The following ARFGEF2 variants were observed in gnomAD, a reference collection of about 807,000 sequenced individuals.
The protein encoded by ARFGEF2 is brefeldin A-inhibited guanine nucleotide-exchange protein 2.
Under a neutral mutation model 219.9 loss-of-function variants are expected in ARFGEF2, and 74 were observed. That is an observed-to-expected ratio of 0.34 (90% confidence interval 0.28 to 0.41). The LOEUF (loss-of-function observed/expected upper bound fraction) is 0.41, where lower values mean the gene tolerates loss of function less well. ARFGEF2 is among the 10% of genes least tolerant of loss of function. The pLI is 1.00. For missense variants in ARFGEF2, 1,743 were observed against 2,218.3 expected, an observed-to-expected ratio of 0.79 and a Z score of 4.30; for synonymous variants, 733 against 799.2, an observed-to-expected ratio of 0.92 and a Z score of 1.40.
intron 31 of ARFGEF2, 89 bp downstream of exon 31, chr20:49,016,504 G>A: frequency 5.8e-6 from 8 of 1,389,480 alleles, no homozygotes; most frequent in South Asian, 1.2e-5. Flanking sequence ...TGGATGTAGT[G>A]CCATGGAGTA....
chr20:48,961,971 G>A (rs1017450619), intron 6 of ARFGEF2, among the ~76,000 whole-genome samples: 52 of 152,102 alleles, frequency 3.4e-4, no homozygotes, highest in Admixed American at 2.2e-3. Flanking sequence ...CTGAGGCTGG[G>A]AGTTCAAGAC....
Position 49,025,425 on chromosome 20 carries a change from C to G in ARFGEF2, c.4868C>G (p.Ser1623Ter). Residue 1623 changes from serine (S) to a stop codon, truncating the protein, a stop_gained, in exon 36 of 39, where the codon TCA becomes TGA. Transcript: ENST00000371917. LOFTEE classifies it high-confidence loss of function. Reference protein sequence around the residue: ...KLLDCLQESHSFSKAFNSNYE... With the variant: ...KLLDCLQESH Reference sequence around the variant, plus strand: ...TTGGACTGTTTGCAGGAATCCCATTCATTCTCAAAGGCCTTCAACTCCAAT... The same window carrying G: ...TTGGACTGTTTGCAGGAATCCCATTGATTCTCAAAGGCCTTCAACTCCAAT... 2 of 1,614,162 alleles carry G rather than the reference C, an allele frequency of 1.2e-6. No individual in the cohort carries two copies. Among genetic ancestry groups the G allele is most frequent in the Non-Finnish European group, 1.7e-6 (2 of 1,180,030 alleles).
rs1280402148 is a variant in ARFGEF2 at position 49,032,145 on chromosome 20, C to A, written c.5160C>A (p.Thr1720=). 6.2e-7 allele frequency: 1 copy of A among 1,613,248 alleles called. No homozygotes were observed. Residue 1720 remains threonine, a synonymous_variant, in exon 38 of 39, where the codon ACC becomes ACA. Coordinates refer to ENST00000371917, the MANE Select transcript of ARFGEF2 (RefSeq NM_006420.3). ...TCTTGTTGTTACTTCTAACTAAAAC[C>A]CTCAAAATAAATGATGAAAAGGTAT... ...TSLLLLLLTK[T]LKINDEKFKA... is the part of the protein sequence containing the mutation.
At chr20:48,977,110 A>G (rs1464822276) in intron 14 of ARFGEF2, among the ~76,000 whole-genome samples, 1 of 151,954 alleles carries the variant, frequency 6.6e-6, no homozygotes, top group East Asian at 1.9e-4. Flanking sequence ...TATTACTCCT[A>G]ATGCTATCCC....
intron 1 of ARFGEF2, among the ~76,000 whole-genome samples, chr20:48,930,137 C>T (rs1219092511): frequency 6.6e-6 from 1 of 152,216 alleles, no homozygotes; most frequent in Non-Finnish European, 1.5e-5. Context: ...ATTTGGCTCA[C>T]AGTCCAAGAG....
intron 1 of ARFGEF2, among the ~76,000 whole-genome samples, chr20:48,937,137 C>T (rs555829791): frequency 6.6e-6 from 1 of 152,194 alleles, no homozygotes; most frequent in Non-Finnish European, 1.5e-5. Context: ...CTTCTCTCCA[C>T]CTGCACGGGC....
intron 14 of ARFGEF2, among the ~76,000 whole-genome samples, chr20:48,982,424 C>T (rs2091301858): frequency 6.6e-6 from 1 of 152,214 alleles, no homozygotes; most frequent in South Asian, 2.1e-4. Flanking sequence ...TCGGCCCTTT[C>T]TGGGAGGTGT....
intron 14 of ARFGEF2, among the ~76,000 whole-genome samples, chr20:48,982,821 C>T (rs1403491636): frequency 1.3e-5 from 2 of 152,224 alleles, no homozygotes; most frequent in Non-Finnish European, 2.9e-5. Flanking sequence ...GATATAATCT[C>T]CTGGTGTGCC....
intron 25 of ARFGEF2, among the ~76,000 whole-genome samples, chr20:49,003,473 C>G (rs1337584689): frequency 6.6e-6 from 1 of 151,526 alleles, no homozygotes; most frequent in Non-Finnish European, 1.5e-5. Context: ...ATCTTGGTGG[C>G]GGGCACCTGT....
At chr20:49,022,697 G>T (rs1399212084) in intron 34 of ARFGEF2, among the ~76,000 whole-genome samples, 2 of 152,118 alleles carry the variant, frequency 1.3e-5, no homozygotes, top group Non-Finnish European at 2.9e-5. Flanking sequence ...TTCTATCCCT[G>T]TCTCTACCTA....
At chr20:48,964,738 A>G (rs1047723554) in intron 7 of ARFGEF2, among the ~76,000 whole-genome samples, 75 of 152,218 alleles carry the variant, frequency 4.9e-4, no homozygotes, top group African/African-American at 1.6e-3. Flanking sequence ...TTTCTGCCCA[A>G]AATCTCAGGT....
chr20:48,968,718 G>A (rs1375050476), intron 8 of ARFGEF2, among the ~76,000 whole-genome samples: 1 of 152,092 alleles, frequency 6.6e-6, no homozygotes, highest in Non-Finnish European at 1.5e-5. Flanking sequence ...ATAATTACCT[G>A]TATTAGTTTT....
chr20:49,011,843 G>A, intron 27 of ARFGEF2, 81 bp from the exon 28 acceptor site: 2 of 1,347,956 alleles, frequency 1.5e-6, no homozygotes, highest in Non-Finnish European at 1.1e-6. Flanking sequence ...GTGTGTGTGT[G>A]TGTGTGTGCA....
intron 30 of ARFGEF2, 51 bp downstream of exon 30, chr20:49,014,011 TC>T (rs1421396279): frequency 6.2e-7 from 1 of 1,611,362 alleles, no homozygotes; most frequent in Non-Finnish European, 8.5e-7. Context: ...GGAAAGCCTT[TC>T]TGGCCGGTAT....
chr20:49,020,967 T>C (rs2123549714), intron 34 of ARFGEF2, among the ~76,000 whole-genome samples: 1 of 152,316 alleles, frequency 6.6e-6, no homozygotes, highest in East Asian at 1.9e-4. Flanking sequence ...CTTTGCACTA[T>C]TATTATCGTT....
At chr20:48,989,730 T>C (rs774560317) in intron 20 of ARFGEF2, 46 bp downstream of exon 20, 15 of 1,612,400 alleles carry the variant, frequency 9.3e-6, no homozygotes, top group Non-Finnish European at 1.3e-5. Context: ...TGGGTTGTGC[T>C]CTTTTAGATT....
intron 35 of ARFGEF2, among the ~76,000 whole-genome samples, chr20:49,023,915 G>T (rs957417137): frequency 3.3e-5 from 5 of 152,016 alleles, no homozygotes; most frequent in Non-Finnish European, 7.4e-5. Context: ...CAAGAATTTC[G>T]CTTTTTTTGT....
intron 26 of ARFGEF2, among the ~76,000 whole-genome samples, chr20:49,008,057 T>A (rs891029010): frequency 1.3e-5 from 2 of 152,214 alleles, no homozygotes; most frequent in African/African-American, 4.8e-5. Context: ...ATTTTGGTGA[T>A]AAGTGTCAAG....
intron 1 of ARFGEF2, among the ~76,000 whole-genome samples, chr20:48,935,529 A>G (rs543310389): frequency 6.6e-6 from 1 of 152,214 alleles, no homozygotes; most frequent in East Asian, 1.9e-4. Context: ...CGATTTCTCA[A>G]TCTTTTCCCC....
Sources: gnomAD v4.1 joint callset for allele counts (sites outside exome capture counted in the v4.1 genomes callset) on GRCh38, gnomAD v4.1.1 for gene constraint, MANE v1.5 for transcripts, NCBI Gene and HGNC (gene_info 2026-07-23, HGNC 2026-07-21) for gene names.